ANKRD26: variants seen among roughly 807,000 people sequenced by gnomAD.
ANKRD26 encodes the protein ankyrin repeat domain-containing protein 26.
A neutral mutation model predicts 208.7 loss-of-function variants in ANKRD26; 141 were observed. The ratio of observed to expected loss-of-function variants is 0.68; its 90% confidence interval spans 0.59 to 0.78. The LOEUF (loss-of-function observed/expected upper bound fraction) is 0.78, where lower values mean the gene tolerates loss of function less well. Among genes scored for constraint, ANKRD26 ranks in the 30% least tolerant of loss-of-function variants. The pLI is 0.00. For missense variants in ANKRD26, 1,889 were observed against 1,938.7 expected (o/e 0.97, Z 0.48); for synonymous variants, 636 against 660.4 (o/e 0.96, Z 0.57).
At chr10:26,953,175 A>G in the ANKRD26 span, among the ~76,000 whole-genome samples, 1 of 152,202 alleles carries the variant, frequency 6.6e-6, no homozygotes, top group Non-Finnish European at 1.5e-5. Context: ...CTGTAATCCC[A>G]GCAATTTGGG....
At chr10:26,980,115 C>T (rs1032838758) in intron 5 of ANKRD26, among the ~76,000 whole-genome samples, 4 of 152,194 alleles carry the variant, frequency 2.6e-5, no homozygotes, top group African/African-American at 9.7e-5. Flanking sequence ...AATCAGCTGA[C>T]ATCCCATAAT....
intron 21 of ANKRD26, 43 bp from the exon 22 acceptor site, chr10:27,038,097 A>T (rs935771402): frequency 9.7e-6 from 15 of 1,539,764 alleles, no homozygotes; most frequent in Admixed American, 1.7e-5. Flanking sequence ...ATTGTTACAA[A>T]ATAAAAAGTT....
rs146798624 is a variant in ANKRD26, at chr10:27,018,099, TA to T, written c.4216-308del. On this transcript the variant is annotated intron_variant, in intron 29 of 33. Coordinates refer to ENST00000376087, the MANE Select transcript of ANKRD26 (RefSeq NM_014915.3). ...TTCCTCCTTAAATGGCTCTAAGGGG[TA>T]GCAGAAAGTCTTACTACTTCCCCCA... is the stretch of plus-strand genomic sequence containing the variant. Among the ~76,000 whole-genome samples, 2,178 of 151,764 alleles carry T rather than the reference TA, an allele frequency of 0.014. 20 individuals carry two copies. The highest frequency in any genetic ancestry group is 0.022 in the Non-Finnish European group (1,493 of 67,934).
rs758311112 is a variant in ANKRD26 at position 27,029,382 on chromosome 10, AC to A, written c.3808-27del. The A allele has an allele frequency of 1.2e-5, 19 of 1,599,900 alleles. No individual in the cohort carries two copies. The Middle Eastern group carries it at 2.0e-3, about 168-fold the overall frequency. On this transcript the variant is annotated intron_variant, in intron 25 of 33. Transcript: ENST00000376087. Reference sequence around the variant, plus strand: ...CTAAAACAAAGAATAAAAAAAACCCACTTTACTAATAATCTAGTACACATCT... The same window carrying A: ...CTAAAACAAAGAATAAAAAAAACCCATTTACTAATAATCTAGTACACATCT...
intron 31 of ANKRD26, 22 bp from the exon 32 acceptor site, chr10:27,013,132 C>T: frequency 1.3e-6 from 2 of 1,597,454 alleles, no homozygotes; most frequent in South Asian, 1.1e-5. Context: ...GCAGAAGACA[C>T]ATGCTTAGTA....
intron 11 of ANKRD26, among the ~76,000 whole-genome samples, chr10:27,065,562 G>A (rs1251903033): frequency 6.6e-6 from 1 of 151,570 alleles, no homozygotes; most frequent in African/African-American, 2.4e-5. Flanking sequence ...TATTGTCACT[G>A]GAAATGATTT....
chr10:27,025,774 A>C (rs1395467752), intron 27 of ANKRD26, among the ~76,000 whole-genome samples: 1 of 152,122 alleles, frequency 6.6e-6, no homozygotes, highest in Admixed American at 6.5e-5. Flanking sequence ...TTAAATCTCA[A>C]GGCTTCATCC....
chr10:27,029,703 A>G (rs3824691), intron 25 of ANKRD26, among the ~76,000 whole-genome samples: 30,425 of 152,162 alleles, frequency 0.2, 3,641 homozygotes, highest in East Asian at 0.56. Flanking sequence ...TTACCTTACG[A>G]TAAGCATTTA....
intron 12 of ANKRD26, among the ~76,000 whole-genome samples, chr10:27,063,433 G>T (rs991710297): frequency 4.6e-5 from 7 of 151,888 alleles, no homozygotes; most frequent in Admixed American, 3.3e-4. Flanking sequence ...CAAATCTCTT[G>T]CCTCAGCCTC....
chr10:26,956,631 C>CA, the ANKRD26 span, among the ~76,000 whole-genome samples: 92 of 140,480 alleles, frequency 6.5e-4, no homozygotes, highest in East Asian at 4.5e-3. Context: ...GCTTGTGTCT[C>CA]AAAAAAAAAA....
At position 27,038,009 on chromosome 10, in the gene ANKRD26, C is replaced by T. The variant is rs184702576; in HGVS notation, c.2421G>A (p.Thr807=). 112 of 1,612,136 alleles carry T rather than the reference C, an allele frequency of 6.9e-5. No individual in the cohort carries two copies. In the African/African-American group the frequency reaches 7.3e-4, roughly 11 times the overall value. Residue 807 remains threonine, a synonymous_variant, in exon 22 of 34, where the codon ACG becomes ACA. Coordinates refer to ENST00000376087, the MANE Select transcript of ANKRD26 (RefSeq NM_014915.3). ...ACTGTTCCCTAATTTTTTCATACAA[C>T]GTATCAGCATTTCTTCTCTTCTCTT... ...QEEEKRRNAD[T]LYEKIREQLR...
intron 16 of ANKRD26, chr10:27,052,102 A>C: frequency 1.0e-6 from 1 of 985,302 alleles, no homozygotes; most frequent in Non-Finnish European, 1.2e-6. Flanking sequence ...TGTTTTTCAG[A>C]TGTCTTTTCT....
intron 1 of ANKRD26, among the ~76,000 whole-genome samples, chr10:27,096,371 C>G (rs575196358): frequency 2.2e-4 from 33 of 152,246 alleles, no homozygotes; most frequent in Middle Eastern, 6.8e-3. Context: ...ATATGAAGTT[C>G]CTGTTGTGAA....
chr10:27,050,975 T>C, intron 16 of ANKRD26: 1 of 990,700 alleles, frequency 1.0e-6, no homozygotes, highest in Non-Finnish European at 1.3e-6. Context: ...ATTTTATACA[T>C]GAGCTCTTCA....
chr10:26,963,633 C>T, the ANKRD26 span, among the ~76,000 whole-genome samples: 2 of 152,110 alleles, frequency 1.3e-5, no homozygotes, highest in Non-Finnish European at 2.9e-5. Flanking sequence ...GGGATTGGTT[C>T]CAGGAATCCC....
the ANKRD26 span, among the ~76,000 whole-genome samples, chr10:26,955,854 CTG>C: frequency 6.6e-6 from 1 of 152,178 alleles, no homozygotes; most frequent in African/African-American, 2.4e-5. Flanking sequence ...AAAGTGGAAA[CTG>C]TATTTTTTTC....
chr10:26,983,077 A>G (rs1185614038), intron 3 of ANKRD26, among the ~76,000 whole-genome samples: 1 of 152,206 alleles, frequency 6.6e-6, no homozygotes, highest in African/African-American at 2.4e-5. Context: ...AGCATATCTA[A>G]CGCCATACAA....
chr10:27,097,593 ATAAAG>A (rs147514161), intron 1 of ANKRD26, among the ~76,000 whole-genome samples: 19,548 of 152,206 alleles, frequency 0.13, 1,386 homozygotes, highest in East Asian at 0.28. Context: ...TAAAATTCTT[ATAAAG>A]TAGAGTAATT....
intron 25 of ANKRD26, among the ~76,000 whole-genome samples, chr10:27,032,034 T>C (rs1215729001): frequency 6.6e-6 from 1 of 152,210 alleles, no homozygotes; most frequent in Non-Finnish European, 1.5e-5. Context: ...CATTATCCTC[T>C]AACTTAATCT....
Sources: gnomAD v4.1 joint callset for allele counts (sites outside exome capture counted in the v4.1 genomes callset) on GRCh38, gnomAD v4.1.1 for gene constraint, MANE v1.5 for transcripts, NCBI Gene and HGNC (gene_info 2026-07-23, HGNC 2026-07-21) for gene names.